The following AKT3 variants were observed in gnomAD, a reference collection of about 807,000 sequenced individuals.
AKT3 encodes the protein AKT serine/threonine kinase 3.
Under a neutral mutation model 65.3 loss-of-function variants are expected in AKT3, and 15 were observed. That is an observed-to-expected ratio of 0.23 (90% CI 0.15 to 0.35). AKT3 has a LOEUF of 0.35. Ranked by LOEUF, AKT3 falls within the 10% of genes least tolerant of loss-of-function variation. The pLI, the probability that AKT3 is intolerant of heterozygous loss-of-function variation, is 1.00. For synonymous variants in AKT3, 206 were observed against 183.8 expected (o/e 1.12, Z -0.98); for missense variants, 243 against 576.5 (o/e 0.42, Z 5.92).
At position 243,720,758 on chromosome 1, in the gene AKT3, A is replaced by C. The variant is rs137863748; in HGVS notation, c.47-25042T>G. ...AATTTGGAGCCAATCAAAATGCAAT[A>C]ATCTCTTGTCCTTTTCCTTTTATTT... On this transcript the variant is annotated intron_variant, in intron 2 of 13. Coordinates refer to ENST00000673466, the MANE Select transcript of AKT3 (RefSeq NM_005465.7). Among the ~76,000 whole-genome samples the C allele has an allele frequency of 5.9e-3, 899 of 152,306 alleles. 12 individuals carry two copies. The highest frequency in any genetic ancestry group is 0.02 in the African/African-American group (852 of 41,564).
intron 8 of AKT3, among the ~76,000 whole-genome samples, chr1:243,580,739 TAACCC>T (rs1010668277): frequency 6.6e-5 from 10 of 152,158 alleles, no homozygotes; most frequent in Non-Finnish European, 1.2e-4. Flanking sequence ...CATTGCCGGG[TAACCC>T]ACTCTGTTCT....
intron 11 of AKT3, chr1:243,548,269 C>T (rs1428546194): frequency 6.6e-6 from 1 of 152,154 alleles, no homozygotes; most frequent in Admixed American, 6.6e-5. Context: ...TTGAATTGTA[C>T]TTGAGATGGG....
Position 243,552,815 on chromosome 1 carries a change from T to C in AKT3, c.1077A>G (p.Leu359=). 2 of 1,614,000 alleles carry C rather than the reference T, an allele frequency of 1.2e-6. No individual in the cohort carries two copies. Among genetic ancestry groups the C allele is most frequent in the Non-Finnish European group, 1.7e-6 (2 of 1,179,916 alleles). ...TTCGAGGAAATTTAATGTCTTCCATTAATATTAATTCAAAAAGTTTCTCAT... is the reference window on the plus strand; with the variant it reads ...TTCGAGGAAATTTAATGTCTTCCATCAATATTAATTCAAAAAGTTTCTCAT... ...QDHEKLFELI[L]MEDIKFPRTL... Residue 359 remains leucine, a synonymous_variant, in exon 11 of 14, where the codon TTA becomes TTG. Transcript: ENST00000673466.
In AKT3 at chr1:243,808,506, G is replaced by T. The variant is rs944457647; in HGVS notation, c.46+34619C>A. Among the ~76,000 whole-genome samples, 3 of 152,282 alleles carry T rather than the reference G, an allele frequency of 2.0e-5. No homozygotes were observed. In the East Asian group the frequency reaches 5.8e-4, roughly 29 times the overall value. On this transcript the variant is annotated intron_variant, in intron 2 of 13. Coordinates refer to ENST00000673466, the MANE Select transcript of AKT3 (RefSeq NM_005465.7). Reference sequence around the variant, plus strand: ...AAAAGAATAAAAAGAAATGAACAAAGCTTCCAAGAAATATGGGACTATGTG... The same window carrying T: ...AAAAGAATAAAAAGAAATGAACAAATCTTCCAAGAAATATGGGACTATGTG...
At chr1:243,771,475 A>G (rs1278445986) in intron 2 of AKT3, among the ~76,000 whole-genome samples, 1 of 152,178 alleles carries the variant, frequency 6.6e-6, no homozygotes, top group Non-Finnish European at 1.5e-5. Flanking sequence ...TAAAGTGTTG[A>G]TAACAAGAAA....
chr1:243,570,939 G>A (rs963360623), intron 9 of AKT3, among the ~76,000 whole-genome samples: 4 of 152,148 alleles, frequency 2.6e-5, no homozygotes, highest in Non-Finnish European at 5.9e-5. Flanking sequence ...TATAAAGTAG[G>A]TACTTTATAT....
chr1:243,691,515 C>A (rs1022181654), intron 3 of AKT3, among the ~76,000 whole-genome samples: 1 of 151,904 alleles, frequency 6.6e-6, no homozygotes, highest in Admixed American at 6.6e-5. Flanking sequence ...TATGATGAGG[C>A]CTCATTCTGG....
intron 2 of AKT3, among the ~76,000 whole-genome samples, chr1:243,823,810 ATC>A (rs1693996849): frequency 6.6e-6 from 1 of 152,240 alleles, no homozygotes; most frequent in Non-Finnish European, 1.5e-5. Flanking sequence ...AAGAATCAAT[ATC>A]GTGAAAATGG....
intron 6 of AKT3, among the ~76,000 whole-genome samples, chr1:243,618,850 T>G (rs2148616065): frequency 6.6e-6 from 1 of 151,582 alleles, no homozygotes; most frequent in East Asian, 1.9e-4. Flanking sequence ...GTAATTAGGT[T>G]ATTTGAGGGA....
intron 2 of AKT3, among the ~76,000 whole-genome samples, chr1:243,753,770 G>A (rs1688955714): frequency 6.6e-6 from 1 of 152,178 alleles, no homozygotes; most frequent in Non-Finnish European, 1.5e-5. Flanking sequence ...AGGGGCTTAG[G>A]TAGTAGAGTG....
chr1:243,613,842 G>C (rs1168992104), intron 7 of AKT3, 103 bp from the exon 8 acceptor site: 1 of 647,844 alleles, frequency 1.5e-6, no homozygotes, highest in African/African-American at 1.9e-5. Context: ...CATGAAAGAT[G>C]AAAAGAATTG....
intron 2 of AKT3, among the ~76,000 whole-genome samples, chr1:243,736,828 C>T (rs1687874579): frequency 6.6e-6 from 1 of 152,074 alleles, no homozygotes; most frequent in African/African-American, 2.4e-5. Context: ...TGTATGCCAC[C>T]CCTATATTGC....
intron 6 of AKT3, among the ~76,000 whole-genome samples, chr1:243,629,887 A>G (rs888241576): frequency 6.6e-5 from 10 of 152,220 alleles, no homozygotes; most frequent in African/African-American, 2.4e-4. Context: ...TCTGATGCAC[A>G]AAATTCCAGA....
intron 2 of AKT3, among the ~76,000 whole-genome samples, chr1:243,726,312 T>C (rs1687207267): frequency 1.3e-5 from 2 of 152,220 alleles, no homozygotes; most frequent in South Asian, 4.1e-4. Context: ...TGGTGAAATC[T>C]GGAAAAATTA....
intron 2 of AKT3, among the ~76,000 whole-genome samples, chr1:243,796,092 T>C (rs1691987382): frequency 6.6e-6 from 1 of 152,238 alleles, no homozygotes; most frequent in Non-Finnish European, 1.5e-5. Context: ...GGTATTTTTG[T>C]GCACTTACAG....
intron 2 of AKT3, among the ~76,000 whole-genome samples, chr1:243,775,458 G>T (rs1456952677): frequency 6.6e-6 from 1 of 152,158 alleles, no homozygotes; most frequent in Non-Finnish European, 1.5e-5. Context: ...GGGATTACGG[G>T]CATGAGCCAC....
intron 2 of AKT3, among the ~76,000 whole-genome samples, chr1:243,764,638 T>C (rs186004702): frequency 5.2e-4 from 79 of 152,116 alleles, no homozygotes; most frequent in Admixed American, 1.2e-3. Flanking sequence ...GAAAACAAAA[T>C]TGGTTTAAAA....
chr1:243,697,793 T>C (rs1459123462), intron 2 of AKT3, among the ~76,000 whole-genome samples: 1 of 152,040 alleles, frequency 6.6e-6, no homozygotes, highest in African/African-American at 2.4e-5. Context: ...AAAGCTCAAT[T>C]TCCATCAGTG....
intron 13 of AKT3, among the ~76,000 whole-genome samples, chr1:243,508,644 C>T (rs917431363): frequency 1.5e-5 from 2 of 137,842 alleles, no homozygotes; most frequent in Non-Finnish European, 3.1e-5. Flanking sequence ...CTGACACCCA[C>T]AAAAGCCAGA....
Sources: gnomAD v4.1 joint callset for allele counts (sites outside exome capture counted in the v4.1 genomes callset) on GRCh38, gnomAD v4.1.1 for gene constraint, MANE v1.5 for transcripts, NCBI Gene and HGNC (gene_info 2026-07-23, HGNC 2026-07-21) for gene names.